Variants in NFIA observed in about 807,000 individuals in gnomAD.
NFIA encodes the protein nuclear factor 1 A-type.
NFIA carries 8 observed loss-of-function variants against 62.8 expected under a neutral mutation model. The ratio of observed to expected loss-of-function variants is 0.13; its 90% CI spans 0.07 to 0.23. NFIA has a LOEUF of 0.23. Ranked by LOEUF, NFIA falls within the 10% of genes least tolerant of loss-of-function variation. NFIA has a pLI of 1.00. For synonymous variants in NFIA, 235 were observed against 238.1 expected, an observed-to-expected ratio of 0.99 and a Z score of 0.12; for missense variants, 410 against 642.1, an observed-to-expected ratio of 0.64 and a Z score of 3.91.
At chr1:61,352,399 T>A in intron 4 of NFIA, 51 bp from the exon 5 acceptor site, 1 of 1,334,906 alleles carries the variant, frequency 7.5e-7, no homozygotes, top group Non-Finnish European at 1.1e-6. Flanking sequence ...CTGTCATTGA[T>A]TTTTTTATCC....
chr1:61,325,890 G>A (rs1452146537), intron 3 of NFIA, among the ~76,000 whole-genome samples: 1 of 131,400 alleles, frequency 7.6e-6, no homozygotes, highest in Admixed American at 9.6e-5. Flanking sequence ...CCGAAATGGC[G>A]CCGCTGCACT....
chr1:61,426,521 G>A lies in NFIA; in HGVS notation c.1477G>A (p.Asp493Asn). ...ANRFVSVGPR[D>N]PSFVNIPQQT... ...CCGATTCGTCAGTGTTGGACCACGG[G>A]ATCCAAGCTTTGTAAATATCCCTCA... Residue 493 changes from aspartate (D) to asparagine (N), a missense_variant, in exon 10 of 11, where the codon GAT becomes AAT. By Grantham distance (23) the Asp-to-Asn change is conservative (BLOSUM62 1). This residue lies in a region of NFIA where 298 missense variants were observed against 438.1 expected (regional missense o/e 0.68). Transcript: ENST00000403491. 1 of 1,551,954 alleles carries A rather than the reference G, an allele frequency of 6.4e-7. No homozygotes were observed. Among genetic ancestry groups the A allele is most frequent in the Non-Finnish European group, 8.7e-7 (1 of 1,147,030 alleles).
intron 2 of NFIA, among the ~76,000 whole-genome samples, chr1:61,258,238 A>G (rs1461773436): frequency 2.0e-5 from 3 of 152,192 alleles, no homozygotes; most frequent in African/African-American, 7.2e-5. Flanking sequence ...AAAAGAATTT[A>G]ATTTTATCTG....
chr1:61,127,985 T>C (rs972261572), intron 2 of NFIA, among the ~76,000 whole-genome samples: 15 of 152,176 alleles, frequency 9.9e-5, no homozygotes, highest in African/African-American at 3.6e-4. Context: ...GGCAGGGACC[T>C]TTGCAAGTCT....
At chr1:61,452,455 A>G (rs1569918705) in intron 10 of NFIA, among the ~76,000 whole-genome samples, 1 of 152,302 alleles carries the variant, frequency 6.6e-6, no homozygotes, top group South Asian at 2.1e-4. Flanking sequence ...TGGTCAAATT[A>G]TAGGAGTGAA....
intron 6 of NFIA, among the ~76,000 whole-genome samples, chr1:61,366,636 C>T (rs140994627): frequency 8.3e-4 from 126 of 152,238 alleles, no homozygotes; most frequent in African/African-American, 2.9e-3. Flanking sequence ...AAATTAAGTA[C>T]TTTAGGCCGA....
At chr1:61,235,200 T>C (rs188237665) in intron 2 of NFIA, among the ~76,000 whole-genome samples, 4 of 152,258 alleles carry the variant, frequency 2.6e-5, no homozygotes, top group Admixed American at 6.5e-5. Context: ...CGGTGGCTCA[T>C]GCCTATGATC....
intron 2 of NFIA, among the ~76,000 whole-genome samples, chr1:61,090,230 G>C (rs987967720): frequency 2.6e-5 from 4 of 152,180 alleles, no homozygotes; most frequent in African/African-American, 9.6e-5. Flanking sequence ...CGCAAAAAAA[G>C]TATAGGTGTT....
At chr1:61,330,443 C>CCCACACACA (rs554691317) in intron 3 of NFIA, among the ~76,000 whole-genome samples, 1 of 90,620 alleles carries the variant, frequency 1.1e-5, no homozygotes, top group African/African-American at 3.2e-5. Flanking sequence ...TACACCCCCC[C>CCCACACACA]CACACACACA....
chr1:61,131,066 A>G (rs555641241), intron 2 of NFIA, among the ~76,000 whole-genome samples: 1 of 152,282 alleles, frequency 6.6e-6, no homozygotes, highest in South Asian at 2.1e-4. Context: ...TTGCAAAGAG[A>G]CTAAATGAAA....
rs1013139873 is a variant in NFIA at position 61,199,931 on chromosome 1, G to C, written c.560-77589G>C. Reference sequence around the variant, plus strand: ...AATCACTTGAAACCAGGAGGCGGAGGCTGCAGTTAGCTGAAATTGCATCAC... The same window carrying C: ...AATCACTTGAAACCAGGAGGCGGAGCCTGCAGTTAGCTGAAATTGCATCAC... On this transcript the variant is annotated intron_variant, in intron 2 of 10. Coordinates refer to ENST00000403491, the MANE Select transcript of NFIA (RefSeq NM_001134673.4). 3.4e-5 allele frequency among the ~76,000 whole-genome samples: 5 copies of C among 148,870 alleles called. No homozygotes were observed. The East Asian group carries it at 5.9e-4, about 18-fold the overall frequency.
At chr1:61,402,717 T>C (rs1312664663) in intron 7 of NFIA, among the ~76,000 whole-genome samples, 1 of 152,230 alleles carries the variant, frequency 6.6e-6, no homozygotes, top group Non-Finnish European at 1.5e-5. Context: ...TGAATATTTA[T>C]TGGGCAGATT....
At chr1:61,429,731 C>T (rs1338701575) in intron 10 of NFIA, among the ~76,000 whole-genome samples, 3 of 152,208 alleles carry the variant, frequency 2.0e-5, no homozygotes, top group Non-Finnish European at 4.4e-5. Flanking sequence ...GAATATTACT[C>T]AGCCTTTAAA....
At chr1:61,187,769 T>A (rs1275801784) in intron 2 of NFIA, among the ~76,000 whole-genome samples, 1 of 152,212 alleles carries the variant, frequency 6.6e-6, no homozygotes, top group African/African-American at 2.4e-5. Context: ...CAGAACCGTA[T>A]AAATGCCACT....
At chr1:61,126,281 A>G (rs1646965049) in intron 2 of NFIA, among the ~76,000 whole-genome samples, 2 of 152,152 alleles carry the variant, frequency 1.3e-5, no homozygotes, top group Admixed American at 1.3e-4. Flanking sequence ...TTTAACTGAA[A>G]TCTGCCTCCC....
chr1:61,215,832 G>T (rs1199050628), intron 2 of NFIA, among the ~76,000 whole-genome samples: 3 of 152,334 alleles, frequency 2.0e-5, no homozygotes, highest in African/African-American at 7.2e-5. Flanking sequence ...CTCAGCGTCA[G>T]ATTCTGCCCT....
chr1:61,209,816 G>A (rs1036417486), intron 2 of NFIA, among the ~76,000 whole-genome samples: 1 of 151,972 alleles, frequency 6.6e-6, no homozygotes, highest in African/African-American at 2.4e-5. Context: ...TGCGGCCACT[G>A]CACTCCAGCC....
intron 9 of NFIA, among the ~76,000 whole-genome samples, chr1:61,414,771 G>A (rs900806976): frequency 2.0e-5 from 3 of 152,038 alleles, no homozygotes; most frequent in Admixed American, 1.3e-4. Context: ...GCTTCCATTC[G>A]CGGAACTGTT....
chr1:61,182,120 C>T (rs1313019339), intron 2 of NFIA, among the ~76,000 whole-genome samples: 1 of 152,108 alleles, frequency 6.6e-6, no homozygotes, highest in Non-Finnish European at 1.5e-5. Context: ...TTTTGGTTGC[C>T]TGCAGTCTAT....
Sources: gnomAD v4.1 joint callset for allele counts (sites outside exome capture counted in the v4.1 genomes callset) on GRCh38, gnomAD v4.1.1 for gene constraint, gnomAD v4.1.1 regional missense constraint, MANE v1.5 for transcripts, NCBI Gene and HGNC (gene_info 2026-07-23, HGNC 2026-07-21) for gene names.